KCNK10: variants seen among roughly 807,000 people sequenced by gnomAD.
KCNK10 encodes potassium channel subfamily K member 10.
A neutral mutation model predicts 47.7 loss-of-function variants in KCNK10; 25 were observed. That is an observed-to-expected ratio of 0.52 (90% CI 0.38 to 0.73). KCNK10 has a LOEUF of 0.73. Among genes scored for constraint, KCNK10 ranks in the 30% least tolerant of loss-of-function variants. The pLI is 0.00. For missense variants in KCNK10, 563 were observed against 714.5 expected (o/e 0.79, Z 2.42); for synonymous variants, 303 against 285.6 (o/e 1.06, Z -0.61).
intron 4 of KCNK10, among the ~76,000 whole-genome samples, chr14:88,197,895 A>AGAGAGAGAGAGAG (rs1884974261): frequency 7.8e-4 from 104 of 134,038 alleles, no homozygotes; most frequent in African/African-American, 2.8e-3. Flanking sequence ...AGAGAGAGAG[A>AGAGAGAGAGAGAG]AGGGGAAAAA....
upstream of KCNK10, among the ~76,000 whole-genome samples, chr14:88,326,182 C>CG (rs1293893531): frequency 1.3e-5 from 1 of 77,038 alleles, no homozygotes; most frequent in Non-Finnish European, 3.4e-5. Context: ...AAGTTACCCG[C>CG]CCCCCCCCAA....
intron 1 of KCNK10, among the ~76,000 whole-genome samples, chr14:88,263,777 A>G (rs1429694419): frequency 1.3e-5 from 2 of 152,112 alleles, no homozygotes; most frequent in African/African-American, 4.8e-5. Flanking sequence ...AAAAAAAAGT[A>G]TAAACTGAGT....
intron 1 of KCNK10, among the ~76,000 whole-genome samples, chr14:88,279,617 A>AT (rs1887602970): frequency 6.6e-6 from 1 of 152,128 alleles, no homozygotes; most frequent in Non-Finnish European, 1.5e-5. Flanking sequence ...GTTTTCTGAA[A>AT]TTCAAATTTA....
intron 3 of KCNK10, chr14:88,234,936 C>A: frequency 2.9e-6 from 1 of 342,374 alleles, no homozygotes; most frequent in Non-Finnish European, 5.8e-6. Context: ...ATGACAGGGC[C>A]CTAAAGTGGT....
chr14:88,202,048 A>T (rs1266831037), intron 4 of KCNK10, among the ~76,000 whole-genome samples: 1 of 152,228 alleles, frequency 6.6e-6, no homozygotes, highest in Non-Finnish European at 1.5e-5. Flanking sequence ...TTTAGTAGAG[A>T]TATGCATGAA....
intron 4 of KCNK10, among the ~76,000 whole-genome samples, chr14:88,226,377 A>C (rs1032411910): frequency 3.3e-5 from 5 of 152,222 alleles, no homozygotes; most frequent in Non-Finnish European, 7.3e-5. Flanking sequence ...CCTTGAACTC[A>C]AAGTTTAAGA....
intron 2 of KCNK10, among the ~76,000 whole-genome samples, chr14:88,253,702 C>T: frequency 6.6e-6 from 1 of 152,202 alleles, no homozygotes; most frequent in Non-Finnish European, 1.5e-5. Flanking sequence ...GAGTTTGAGA[C>T]CAGTCTGGCC....
In KCNK10 at chr14:88,186,286, G is replaced by T; in HGVS notation, c.1012-131C>A. 1.8e-6 allele frequency: 2 copies of T among 1,098,700 alleles called. No homozygotes were observed. Among genetic ancestry groups the T allele is most frequent in the Non-Finnish European group, 2.5e-6 (2 of 790,248 alleles). 68.1% of individuals were successfully genotyped at this position (1,098,700 alleles called of 1,614,324 possible). ...ACGGAGCACATGCCCAGGGGGAGGTGCAAATGCTACCTTCTGCCCTAGTAC... is the reference window on the plus strand; with the variant it reads ...ACGGAGCACATGCCCAGGGGGAGGTTCAAATGCTACCTTCTGCCCTAGTAC... On this transcript the variant is annotated intron_variant, in intron 6 of 6. Transcript: ENST00000319231. The surrounding 1 kb of genome is among the most constrained non-coding windows in gnomAD (Gnocchi z 5.5).
chr14:88,266,171 T>C (rs1566708583), intron 1 of KCNK10, among the ~76,000 whole-genome samples: 1 of 152,140 alleles, frequency 6.6e-6, no homozygotes, highest in African/African-American at 2.4e-5. Flanking sequence ...CAATCAATGA[T>C]GGTGGAATAA....
intron 2 of KCNK10, among the ~76,000 whole-genome samples, chr14:88,254,799 A>C (rs1886898012): frequency 6.6e-6 from 1 of 152,186 alleles, no homozygotes; most frequent in Non-Finnish European, 1.5e-5. Flanking sequence ...AAATACATTT[A>C]ATTTACTTTA....
intron 4 of KCNK10, among the ~76,000 whole-genome samples, chr14:88,212,124 A>G (rs1260114851): frequency 1.3e-5 from 1 of 74,110 alleles, no homozygotes; most frequent in African/African-American, 4.4e-5. Context: ...ATATATATAT[A>G]TATATATCGA....
At chr14:88,210,389 C>CA (rs1435649147) in intron 4 of KCNK10, among the ~76,000 whole-genome samples, 2 of 152,154 alleles carry the variant, frequency 1.3e-5, no homozygotes, top group African/African-American at 4.8e-5. Context: ...AGAACACACA[C>CA]AAAAAAGTGT....
intron 6 of KCNK10, 117 bp downstream of exon 6, chr14:88,187,850 C>T (rs532923715): frequency 9.5e-5 from 98 of 1,030,148 alleles, no homozygotes; most frequent in Non-Finnish European, 1.2e-4. Flanking sequence ...ACCCGCCCCC[C>T]GCTCCCCCTG....
At chr14:88,230,217 C>A (rs1380377315) in intron 3 of KCNK10, among the ~76,000 whole-genome samples, 1 of 152,174 alleles carries the variant, frequency 6.6e-6, no homozygotes, top group African/African-American at 2.4e-5. Context: ...AGCAATATGT[C>A]TCCAGGAAAA....
chr14:88,323,477 G>A (rs1002765900), upstream of KCNK10, among the ~76,000 whole-genome samples: 46 of 149,834 alleles, frequency 3.1e-4, no homozygotes, highest in Admixed American at 5.3e-4. Flanking sequence ...GGAGCAGGGC[G>A]AGCAGCGGAC....
chr14:88,188,042 G>A lies in KCNK10; in HGVS notation c.936C>T (p.Gly312=). The part of the protein sequence containing the change: ...KPLVWFWILV[G]LAYFAAVLSM... ...TGAGGACAGCTGCAAAGTAGGCAAG[G>A]CCAACAAGGATCCAAAACCACACTA... The change falls in exon 6 of 7, where the codon GGC becomes GGT. Residue 312 remains glycine, a synonymous_variant. Coordinates refer to ENST00000319231, the MANE Select transcript of KCNK10 (RefSeq NM_138317.3). 3.1e-6 allele frequency: 5 copies of A among 1,614,114 alleles called. No individual in the cohort carries two copies. The highest frequency in any genetic ancestry group is 2.2e-5 in the East Asian group (1 of 44,884).
rs566340352 is a variant in KCNK10, at chr14:88,269,419, G to A, written c.53-5868C>T. ...GGAAGAATTAACAAAGATCTTACAC[G>A]TGCATGAAGCTGTTTTTGTTTTGCT... is the stretch of plus-strand genomic sequence containing the variant. On this transcript the variant is annotated intron_variant, in intron 1 of 6. Coordinates refer to ENST00000319231, the MANE Select transcript of KCNK10 (RefSeq NM_138317.3). Among the ~76,000 whole-genome samples, 7 of 152,280 alleles carry A rather than the reference G, an allele frequency of 4.6e-5. No individual in the cohort carries two copies. In the East Asian group the frequency reaches 1.2e-3, roughly 25 times the overall value.
chr14:88,192,182 T>G, intron 5 of KCNK10, 42 bp downstream of exon 5: 1 of 1,544,100 alleles, frequency 6.5e-7, no homozygotes, highest in Non-Finnish European at 8.8e-7. Flanking sequence ...AGATTATTTT[T>G]CCCGCCAGAG....
At chr14:88,323,699 G>T (rs1406265218), upstream of KCNK10, 1 of 151,984 alleles carries the variant, frequency 6.6e-6, no homozygotes. Flanking sequence ...GCGCTTGCTG[G>T]AGTTGCAGCC....
Sources: gnomAD v4.1 joint callset for allele counts (sites outside exome capture counted in the v4.1 genomes callset) on GRCh38, gnomAD v4.1.1 for gene constraint, Gnocchi (gnomAD v3.1) non-coding constraint, MANE v1.5 for transcripts, NCBI Gene and HGNC (gene_info 2026-07-23, HGNC 2026-07-21) for gene names.